The following LHCGR variants were observed in gnomAD, a reference collection of about 807,000 sequenced individuals.
LHCGR encodes luteinizing hormone/choriogonadotropin receptor.
Under a neutral mutation model 60.7 loss-of-function variants are expected in LHCGR, and 55 were observed. The observed-to-expected ratio is 0.91, with a 90% CI of 0.73 to 1.13. The LOEUF is 1.13. Among genes scored for constraint, LHCGR ranks in the 50% most tolerant of loss-of-function variants. The pLI, the probability that LHCGR is intolerant of heterozygous loss-of-function variation, is 0.00. For synonymous variants in LHCGR, 337 were observed against 316.5 expected, an observed-to-expected ratio of 1.06 and a Z score of -0.69; for missense variants, 862 against 836.0, an observed-to-expected ratio of 1.03 and a Z score of -0.38.
At chr2:48,753,036 TAC>T (rs1670050487) in intron 1 of LHCGR, among the ~76,000 whole-genome samples, 1 of 130,538 alleles carries the variant, frequency 7.7e-6, no homozygotes, top group Admixed American at 8.8e-5. Context: ...TTTTAAAATA[TAC>T]TTTTTCCTCT....
chr2:48,690,058 A>G (rs1233623809), intron 10 of LHCGR, among the ~76,000 whole-genome samples: 3 of 152,080 alleles, frequency 2.0e-5, no homozygotes, highest in Non-Finnish European at 4.4e-5. Flanking sequence ...TCTTCCTGAT[A>G]TCCTTTCTCC....
chr2:48,724,312 A>G (rs948510593), intron 4 of LHCGR, among the ~76,000 whole-genome samples: 1 of 152,192 alleles, frequency 6.6e-6, no homozygotes, highest in African/African-American at 2.4e-5. Context: ...GAGAGGCTTA[A>G]GTGATAGGTG....
chr2:48,714,527 G>A (rs907633650), intron 6 of LHCGR, among the ~76,000 whole-genome samples: 9 of 149,462 alleles, frequency 6.0e-5, no homozygotes, highest in Admixed American at 4.7e-4. Flanking sequence ...TTTTGCTGAT[G>A]TCAGATTTGG....
At chr2:48,737,126 T>C (rs1669235212) in intron 1 of LHCGR, among the ~76,000 whole-genome samples, 1 of 152,204 alleles carries the variant, frequency 6.6e-6, no homozygotes, top group African/African-American at 2.4e-5. Flanking sequence ...TTGCCAGAGC[T>C]TTTACTTTTC....
intron 10 of LHCGR, among the ~76,000 whole-genome samples, chr2:48,690,053 C>T (rs1470588914): frequency 6.6e-6 from 1 of 152,180 alleles, no homozygotes; most frequent in Non-Finnish European, 1.5e-5. Context: ...AGTTTTCTTC[C>T]TGATATCCTT....
chr2:48,691,476 A>G (rs542989679), intron 10 of LHCGR, among the ~76,000 whole-genome samples: 2 of 152,284 alleles, frequency 1.3e-5, no homozygotes, highest in East Asian at 3.9e-4. Flanking sequence ...TATAATTATC[A>G]TTTTTTAATC....
Position 48,726,718 on chromosome 2 carries a change from A to G in LHCGR, c.309-968T>C, listed in dbSNP as rs536526552. Among the ~76,000 whole-genome samples, 5 of 152,262 alleles carry G rather than the reference A, an allele frequency of 3.3e-5. No homozygotes were observed. The South Asian group carries it at 8.3e-4, about 25-fold the overall frequency. On this transcript the variant is annotated intron_variant, in intron 3 of 10. Coordinates refer to ENST00000294954, the MANE Select transcript of LHCGR (RefSeq NM_000233.4). The stretch of plus-strand genomic sequence containing the variant: ...GGAGTCAACTTGGTTTTTCATTCTG[A>G]TTTTACTAATCGTATGACCTTAGAT...
At chr2:48,731,120 C>A in intron 2 of LHCGR, 107 bp downstream of exon 2, 1 of 742,470 alleles carries the variant, frequency 1.3e-6, no homozygotes, top group Non-Finnish European at 2.4e-6. Context: ...GTATCCTAAA[C>A]ACAATTTCTT....
At chr2:48,713,266 C>A (rs1268206254) in intron 7 of LHCGR, among the ~76,000 whole-genome samples, 1 of 152,088 alleles carries the variant, frequency 6.6e-6, no homozygotes, top group Admixed American at 6.5e-5. Flanking sequence ...TGGCTTTAAT[C>A]GAACTTTTCA....
intron 1 of LHCGR, among the ~76,000 whole-genome samples, chr2:48,734,062 C>T (rs184672999): frequency 1.2e-4 from 19 of 152,242 alleles, no homozygotes; most frequent in African/African-American, 3.1e-4. Context: ...CTTGTACAAA[C>T]GTTTTCTTCA....
intron 6 of LHCGR, among the ~76,000 whole-genome samples, chr2:48,715,301 A>G (rs992915041): frequency 8.5e-5 from 13 of 152,240 alleles, no homozygotes; most frequent in African/African-American, 3.1e-4. Flanking sequence ...TATATATTAA[A>G]TAAATTGGAT....
intron 1 of LHCGR, among the ~76,000 whole-genome samples, chr2:48,747,152 C>T (rs1343217814): frequency 1.3e-5 from 2 of 151,318 alleles, no homozygotes; most frequent in African/African-American, 2.4e-5. Context: ...GGCAGTGGTG[C>T]GATCTCGGTT....
At chr2:48,702,284 TTTA>T (rs1459813258) in intron 8 of LHCGR, among the ~76,000 whole-genome samples, 1 of 152,008 alleles carries the variant, frequency 6.6e-6, no homozygotes, top group Non-Finnish European at 1.5e-5. Flanking sequence ...TTTTAAATAC[TTTA>T]AGTTCTAGGG....
chr2:48,701,987 T>C (rs1667433383), intron 8 of LHCGR, among the ~76,000 whole-genome samples: 1 of 152,226 alleles, frequency 6.6e-6, no homozygotes, highest in South Asian at 2.1e-4. Flanking sequence ...TACTTACTAC[T>C]GTCTGTTCAC....
intron 8 of LHCGR, among the ~76,000 whole-genome samples, chr2:48,701,539 C>T (rs976001835): frequency 2.0e-5 from 3 of 152,152 alleles, no homozygotes; most frequent in Non-Finnish European, 2.9e-5. Context: ...TTTAGGTGTT[C>T]GTTCAAACGA....
chr2:48,745,626 C>G (rs1186313978), intron 1 of LHCGR, among the ~76,000 whole-genome samples: 2 of 141,290 alleles, frequency 1.4e-5, no homozygotes, highest in African/African-American at 5.4e-5. Context: ...TATTCTCACT[C>G]ATAGGTGGGA....
intron 6 of LHCGR, chr2:48,721,689 T>C (rs1412475183): frequency 2.1e-6 from 1 of 471,016 alleles, no homozygotes; most frequent in Non-Finnish European, 4.4e-6. Flanking sequence ...TTCACATCTA[T>C]CTCTTCATTT....
At chr2:48,692,705 C>T (rs1196041559) in intron 10 of LHCGR, among the ~76,000 whole-genome samples, 1 of 152,132 alleles carries the variant, frequency 6.6e-6, no homozygotes, top group Non-Finnish European at 1.5e-5. Flanking sequence ...ATAGGGCCAA[C>T]CATAGAGGTA....
intron 1 of LHCGR, among the ~76,000 whole-genome samples, chr2:48,748,975 C>A (rs1669830832): frequency 6.6e-6 from 1 of 152,196 alleles, no homozygotes; most frequent in African/African-American, 2.4e-5. Context: ...AGCATCCTCA[C>A]CTCTGTGGGC....
Sources: gnomAD v4.1 joint callset for allele counts (sites outside exome capture counted in the v4.1 genomes callset) on GRCh38, gnomAD v4.1.1 for gene constraint, MANE v1.5 for transcripts, NCBI Gene and HGNC (gene_info 2026-07-23, HGNC 2026-07-21) for gene names.